The following JAK1 variants were observed in gnomAD, a reference collection of about 807,000 sequenced individuals.
JAK1 encodes Janus kinase 1, also known as tyrosine-protein kinase JAK1.
In JAK1, 16 loss-of-function variants were observed where a neutral mutation model predicts 136.6. The observed-to-expected ratio is 0.12, with a 90% confidence interval of 0.08 to 0.18. JAK1 has a LOEUF of 0.18. Among genes scored for constraint, JAK1 ranks in the 10% least tolerant of loss-of-function variants. The probability of loss-of-function intolerance (pLI) is 1.00; values close to 1 mark genes in which losing one functional copy is unlikely to be tolerated. For missense variants in JAK1, 859 were observed against 1,450.1 expected, an observed-to-expected ratio of 0.59 and a Z score of 6.62; for synonymous variants, 492 against 519.5, an observed-to-expected ratio of 0.95 and a Z score of 0.72.
intron 2 of JAK1, among the ~76,000 whole-genome samples, chr1:65,021,269 G>C (rs1268321507): frequency 6.6e-6 from 1 of 152,188 alleles, no homozygotes; most frequent in African/African-American, 2.4e-5. Flanking sequence ...AAAATACAAG[G>C]TTTGGGGAGA....
intron 2 of JAK1, among the ~76,000 whole-genome samples, chr1:65,037,402 A>G (rs1164142651): frequency 1.3e-5 from 2 of 152,104 alleles, no homozygotes; most frequent in Non-Finnish European, 2.9e-5. Context: ...CAGCCTCCCA[A>G]GTAGCTGGGA....
intron 1 of JAK1, among the ~76,000 whole-genome samples, chr1:65,061,344 A>C (rs1274206864): frequency 6.6e-6 from 1 of 152,100 alleles, no homozygotes; most frequent in African/African-American, 2.4e-5. Context: ...TGAGGCTGCC[A>C]TGACTGCACC....
chr1:65,058,528 G>A (rs749662957), intron 1 of JAK1: 5 of 531,680 alleles, frequency 9.4e-6, no homozygotes, highest in Non-Finnish European at 1.5e-5. Flanking sequence ...TCACTGTGTC[G>A]GTCAACGGCA....
intron 1 of JAK1, among the ~76,000 whole-genome samples, chr1:64,929,591 T>C (rs918828985): frequency 4.6e-5 from 7 of 152,218 alleles, no homozygotes; most frequent in Admixed American, 1.3e-4. Context: ...CATAAGTAAA[T>C]GGATGATTCT....
At chr1:65,000,937 G>A (rs566263311) in intron 2 of JAK1, among the ~76,000 whole-genome samples, 25 of 151,430 alleles carry the variant, frequency 1.7e-4, no homozygotes, top group Non-Finnish European at 3.1e-4. Context: ...GCTGGAGTGC[G>A]GTGGCGCCAT....
Position 64,834,120 on chromosome 1 carries a change from A to ATCTT in JAK1, c.*438_*441dup, listed in dbSNP as rs747600015. The ATCTT allele has an allele frequency of 1.2e-5, 3 of 246,592 alleles. No homozygotes were observed. Among genetic ancestry groups the ATCTT allele is most frequent in the Non-Finnish European group, 2.4e-5 (3 of 124,962 alleles). The allele number at this position is 246,592 out of a possible 1,614,324, so 15.3% of individuals were successfully genotyped here. A position where few individuals can be genotyped will look rare whatever the true frequency, so the allele number is the denominator to read the frequency against. ...TGAAATTTGAGGGCTAAGTCCATCA[A>ATCTT]TCTTTCTTTATCTATGATTAATGTG... On this transcript the variant is annotated 3_prime_UTR_variant, in exon 25 of 25. Coordinates refer to ENST00000342505, the MANE Select transcript of JAK1 (RefSeq NM_002227.4).
chr1:65,008,152 G>C (rs760362833), intron 2 of JAK1, among the ~76,000 whole-genome samples: 3 of 152,160 alleles, frequency 2.0e-5, no homozygotes, highest in Non-Finnish European at 4.4e-5. Context: ...TAGAAATCCA[G>C]GAAGCCACCC....
At position 64,873,410 on chromosome 1, in the gene JAK1, G is replaced by A; in HGVS notation, c.443C>T (p.Pro148Leu). The change falls in exon 5 of 25, where the codon CCT becomes CTT. Residue 148 changes from proline to leucine, a missense_variant. Pro to Leu is a moderately conservative substitution (Grantham distance 98, BLOSUM62 -3). Coordinates refer to ENST00000342505, the MANE Select transcript of JAK1 (RefSeq NM_002227.4). ...YEKKKIPDAT[P>L]LLDASSLEYL... ...CTCCAGTGAGCTGGCATCAAGGAGA[G>A]GGGTTGCATCTGGAATCTTTTTTTT... is the stretch of plus-strand genomic sequence containing the variant. The A allele has an allele frequency of 6.2e-7, 1 of 1,614,226 alleles. No homozygotes were observed. The highest frequency in any genetic ancestry group is 8.5e-7 in the Non-Finnish European group (1 of 1,180,036).
intron 1 of JAK1, among the ~76,000 whole-genome samples, chr1:64,893,755 T>C (rs1162497395): frequency 6.6e-6 from 1 of 152,242 alleles, no homozygotes; most frequent in Non-Finnish European, 1.5e-5. Flanking sequence ...AACCATTTTG[T>C]ACTGCACCTA....
chr1:64,862,622 G>T (rs999330904), intron 8 of JAK1, among the ~76,000 whole-genome samples: 2 of 152,176 alleles, frequency 1.3e-5, no homozygotes, highest in Admixed American at 6.5e-5. Flanking sequence ...AACTTGTGTT[G>T]GTGCTAGACT....
At chr1:64,869,804 T>G (rs1367813443) in intron 5 of JAK1, among the ~76,000 whole-genome samples, 1 of 152,106 alleles carries the variant, frequency 6.6e-6, no homozygotes, top group East Asian at 1.9e-4. Flanking sequence ...CAAGGGAAGG[T>G]GACACTGGGC....
chr1:65,009,974 A>G (rs1354386336), intron 2 of JAK1, among the ~76,000 whole-genome samples: 1 of 152,192 alleles, frequency 6.6e-6, no homozygotes, highest in Non-Finnish European at 1.5e-5. Context: ...ACTGCAATGG[A>G]TTATTTTCAT....
At chr1:64,894,764 A>G (rs1644989622) in intron 1 of JAK1, among the ~76,000 whole-genome samples, 1 of 152,074 alleles carries the variant, frequency 6.6e-6, no homozygotes, top group African/African-American at 2.4e-5. Flanking sequence ...GTGTCAGAGC[A>G]AGACTACGTC....
intron 2 of JAK1, among the ~76,000 whole-genome samples, chr1:65,041,988 A>G (rs752598157): frequency 4.3e-4 from 66 of 152,206 alleles, no homozygotes; most frequent in Admixed American, 7.9e-4. Context: ...GGTTGCAGTG[A>G]GCAGAGATCT....
chr1:64,851,925 C>G (rs1489373338), intron 11 of JAK1, among the ~76,000 whole-genome samples: 1 of 152,174 alleles, frequency 6.6e-6, no homozygotes, highest in Non-Finnish European at 1.5e-5. Context: ...AGTCCTGATT[C>G]CTGGACTGTA....
At position 64,843,997 on chromosome 1, in the gene JAK1, C is replaced by T. The variant is rs566372900; in HGVS notation, c.2403+67G>A. On this transcript the variant is annotated intron_variant, in intron 17 of 24. Transcript: ENST00000342505. ...TCCCACAGTGCCAGGCTTCCGACAACTCCTGGGAAGCCCACGAGCACCTGA... is the reference window on the plus strand; with the variant it reads ...TCCCACAGTGCCAGGCTTCCGACAATTCCTGGGAAGCCCACGAGCACCTGA... The T allele has an allele frequency of 1.4e-5, 22 of 1,584,694 alleles. No individual in the cohort carries two copies. The African/African-American group carries it at 2.8e-4, about 20-fold the overall frequency.
intron 2 of JAK1, among the ~76,000 whole-genome samples, chr1:64,979,051 G>T (rs564051278): frequency 1.0e-3 from 155 of 152,302 alleles, no homozygotes; most frequent in Non-Finnish European, 2.0e-3. Context: ...GATAACTGAA[G>T]TGTAAAGTTT....
At chr1:64,925,539 C>G (rs921999734) in intron 1 of JAK1, among the ~76,000 whole-genome samples, 3 of 152,152 alleles carry the variant, frequency 2.0e-5, no homozygotes, top group African/African-American at 7.2e-5. Context: ...AAATCCATCT[C>G]AATGTGGCTC....
intron 2 of JAK1, among the ~76,000 whole-genome samples, chr1:64,988,132 C>A (rs550360982): frequency 6.6e-6 from 1 of 152,218 alleles, no homozygotes; most frequent in Admixed American, 6.5e-5. Context: ...ATCTTAAATT[C>A]GGCCATATCA....
Sources: gnomAD v4.1 joint callset for allele counts (sites outside exome capture counted in the v4.1 genomes callset) on GRCh38, gnomAD v4.1.1 for gene constraint, MANE v1.5 for transcripts, NCBI Gene and HGNC (gene_info 2026-07-23, HGNC 2026-07-21) for gene names.